The following BOK variants were observed in gnomAD, a reference collection of about 807,000 sequenced individuals.
The protein encoded by BOK is bcl-2-related ovarian killer protein.
BOK carries 20 observed loss-of-function variants against 18.3 expected under a neutral mutation model. The ratio of observed to expected loss-of-function variants is 1.09; its 90% CI spans 0.77 to 1.59. The LOEUF is 1.59. Ranked by LOEUF, BOK falls within the 40% of genes most tolerant of loss-of-function variation. The pLI is 0.00. For missense variants in BOK, 348 were observed against 307.9 expected (o/e 1.13, Z -0.97); for synonymous variants, 173 against 142.4 (o/e 1.21, Z -1.53).
intron 2 of BOK, among the ~76,000 whole-genome samples, chr2:241,560,973 C>G (rs866045151): frequency 7.9e-5 from 12 of 152,168 alleles, no homozygotes; most frequent in African/African-American, 2.9e-4. Flanking sequence ...GGAAGAAGCC[C>G]GGGTTGTGTC....
At chr2:241,564,897 C>A (rs550740851) in intron 3 of BOK, among the ~76,000 whole-genome samples, 1 of 152,202 alleles carries the variant, frequency 6.6e-6, no homozygotes, top group Non-Finnish European at 1.5e-5. Flanking sequence ...GGCGCCTCCC[C>A]CTTCGGCAGG....
intron 3 of BOK, among the ~76,000 whole-genome samples, chr2:241,567,101 C>T (rs1458801955): frequency 7.5e-6 from 1 of 132,968 alleles, no homozygotes; most frequent in African/African-American, 3.0e-5. Context: ...CCATCCACCC[C>T]TCTGGAGTGG....
intron 4 of BOK, 121 bp from the exon 5 acceptor site, chr2:241,572,176 T>C (rs908803201): frequency 4.9e-6 from 7 of 1,438,404 alleles, no homozygotes; most frequent in Non-Finnish European, 6.5e-6. Context: ...CCGAACAGTC[T>C]CCTGCATTCC....
chr2:241,572,402 G>A lies in BOK; in HGVS notation c.619G>A (p.Val207Met), dbSNP rs771885505. ...FGRFLKAAFF[V>M]LLPER ...CCGCTTCCTGAAGGCTGCCTTCTTC[G>A]TGCTGCTGCCAGAGAGATGAGCTGC... The change falls in exon 5 of 5, where the codon GTG (valine) becomes ATG (methionine). Residue 207 changes from valine to methionine, a missense_variant. Transcript: ENST00000318407. 7.5e-6 allele frequency: 12 copies of A among 1,600,096 alleles called. No individual in the cohort carries two copies. The highest frequency in any genetic ancestry group is 1.3e-5 in the African/African-American group (1 of 74,840).
chr2:241,563,748 A>G (rs1007844419), intron 3 of BOK, among the ~76,000 whole-genome samples: 1 of 152,208 alleles, frequency 6.6e-6, no homozygotes, highest in Non-Finnish European at 1.5e-5. Context: ...AGCAGGAGCC[A>G]GGCATCAGGC....
rs1255249688 is a variant in BOK, at chr2:241,572,630, G to A, written c.*208G>A. The A allele has an allele frequency of 7.1e-6, 5 of 705,134 alleles. No homozygotes were observed. Among genetic ancestry groups the A allele is most frequent in the Admixed American group, 5.9e-5 (2 of 34,094 alleles). 43.7% of individuals were successfully genotyped at this position (705,134 alleles called of 1,614,324 possible). ...CCTGAGCCTGGAGCTGGGCTTTGGGGCAGCCTGCGACCCTCCCCGCTTGTG... is the reference window on the plus strand; with the variant it reads ...CCTGAGCCTGGAGCTGGGCTTTGGGACAGCCTGCGACCCTCCCCGCTTGTG... On this transcript the variant is annotated 3_prime_UTR_variant, in exon 5 of 5. Transcript: ENST00000318407.
upstream of BOK, among the ~76,000 whole-genome samples, chr2:241,558,054 G>GACACACACACACACACACACACACAC (rs60885185): frequency 0.027 from 3,808 of 143,222 alleles, 83 homozygotes; most frequent in East Asian, 0.046. Context: ...AGAGTTCCGA[G>GACACACACACACACACACACACACAC]ACACACACAC....
intron 3 of BOK, among the ~76,000 whole-genome samples, chr2:241,565,315 A>G (rs1296543579): frequency 6.6e-6 from 1 of 152,044 alleles, no homozygotes; most frequent in Admixed American, 6.5e-5. Context: ...TTGAAGCCCA[A>G]GAGCCTCGTG....
chr2:241,565,111 G>C (rs1181477064), intron 3 of BOK, among the ~76,000 whole-genome samples: 4 of 152,148 alleles, frequency 2.6e-5, no homozygotes, highest in African/African-American at 9.7e-5. Flanking sequence ...AGGTGGCCCG[G>C]GCTATGTGTA....
chr2:241,558,275 T>C (rs13430039), upstream of BOK, among the ~76,000 whole-genome samples: 1,086 of 152,162 alleles, frequency 7.1e-3, 11 homozygotes, highest in African/African-American at 0.024. Context: ...AACAAGCTTC[T>C]AAAAGGAAAT....
At chr2:241,554,590 C>T (rs901382919), upstream of BOK, among the ~76,000 whole-genome samples, 2 of 152,232 alleles carry the variant, frequency 1.3e-5, no homozygotes, top group Middle Eastern at 3.2e-3. Context: ...GGACAGAGTA[C>T]AGAAGCTGCC....
At chr2:241,552,601 C>T (rs1404443502) in intron 1 of BOK, among the ~76,000 whole-genome samples, 2 of 152,200 alleles carry the variant, frequency 1.3e-5, no homozygotes, top group Non-Finnish European at 2.9e-5. Flanking sequence ...CGTTCCCCGC[C>T]CCCGTCTCCT....
chr2:241,567,717 T>A lies in BOK; in HGVS notation c.350-2408T>A, dbSNP rs1274961692. On this transcript the variant is annotated intron_variant, in intron 3 of 4. Transcript: ENST00000318407. ...GGTTTACTTTGAAGGACACGGGAAGTCACAGCAACACGAGAGCTTTATGCA... is the reference window on the plus strand; with the variant it reads ...GGTTTACTTTGAAGGACACGGGAAGACACAGCAACACGAGAGCTTTATGCA... 1.5e-5 allele frequency among the ~76,000 whole-genome samples: 2 copies of A among 135,216 alleles called. 1 individual carries two copies. The highest frequency in any genetic ancestry group is 5.8e-5 in the African/African-American group (2 of 34,532). The allele number at this position is 135,216 out of a possible 152,430, so 88.7% of individuals were successfully genotyped here.
At chr2:241,568,701 A>G (rs975774593) in intron 3 of BOK, among the ~76,000 whole-genome samples, 1 of 152,154 alleles carries the variant, frequency 6.6e-6, no homozygotes, top group Non-Finnish European at 1.5e-5. Context: ...TATAGGCGTG[A>G]GCCACTGTGC....
upstream of BOK, among the ~76,000 whole-genome samples, chr2:241,557,402 C>T (rs1298145607): frequency 6.6e-6 from 1 of 150,982 alleles, no homozygotes; most frequent in African/African-American, 2.4e-5. Flanking sequence ...CTTCGCCTCC[C>T]AGGTTCAAGC....
upstream of BOK, among the ~76,000 whole-genome samples, chr2:241,557,301 C>A (rs374571607): frequency 2.3e-5 from 3 of 131,996 alleles, no homozygotes; most frequent in Non-Finnish European, 3.1e-5. Context: ...TTTTATTTTT[C>A]TTTTTCCTTT....
At chr2:241,558,568 G>A (rs1054641440), upstream of BOK, among the ~76,000 whole-genome samples, 4 of 152,264 alleles carry the variant, frequency 2.6e-5, no homozygotes, top group African/African-American at 9.6e-5. Flanking sequence ...GGCGGCTGGG[G>A]CTGGCTCTAG....
chr2:241,561,469 C>T (rs112080008), intron 2 of BOK, among the ~76,000 whole-genome samples: 4,366 of 138,684 alleles, frequency 0.031, 37 homozygotes, highest in African/African-American at 0.087. Context: ...CGTGGCAGTG[C>T]GGGTGGCCCA....
chr2:241,572,340 G>T lies in BOK; in HGVS notation c.557G>T (p.Arg186Leu). 1.2e-6 allele frequency: 2 copies of T among 1,610,280 alleles called. No individual in the cohort carries two copies. Among genetic ancestry groups the T allele is most frequent in the Non-Finnish European group, 8.5e-7 (1 of 1,179,682 alleles). Residue 186 changes from arginine (R) to leucine (L), a missense_variant, in exon 5 of 5, where the codon CGC becomes CTC. By Grantham distance (102) the Arg-to-Leu change is moderately radical. Coordinates refer to ENST00000318407, the MANE Select transcript of BOK (RefSeq NM_032515.5). ...GTGGTCAGCACAGACCCTGGCCTCC[G>T]CTCCCACTGGCTGGTGGCTGCACTC... ...KCVVSTDPGL[R>L]SHWLVAALCS...
Sources: allele counts gnomAD v4.1 joint callset (sites outside exome capture counted in the v4.1 genomes callset), GRCh38; gene constraint gnomAD v4.1.1; transcripts MANE v1.5; gene names NCBI Gene and HGNC (gene_info 2026-07-23, HGNC 2026-07-21).